The following GRIN2A variants were observed in gnomAD, a reference collection of about 807,000 sequenced individuals.
GRIN2A encodes the protein glutamate receptor ionotropic, NMDA 2A.
A neutral mutation model predicts 113.4 loss-of-function variants in GRIN2A; 22 were observed. The ratio of observed to expected loss-of-function variants is 0.19; its 90% CI spans 0.14 to 0.28. The LOEUF (loss-of-function observed/expected upper bound fraction) is 0.28. Among genes scored for constraint, GRIN2A ranks in the 10% least tolerant of loss-of-function variants. The pLI is 1.00. For missense variants in GRIN2A, 1,502 were observed against 1,887.0 expected (o/e 0.80, Z 3.78); for synonymous variants, 827 against 738.4 (o/e 1.12, Z -1.94).
intron 3 of GRIN2A, among the ~76,000 whole-genome samples, chr16:9,910,597 G>A (rs1318553491): frequency 2.0e-5 from 3 of 149,568 alleles, no homozygotes. Context: ...GAGTGCAGTG[G>A]TGCGATCTCG....
chr16:10,140,742 A>G (rs1299203939), intron 2 of GRIN2A, among the ~76,000 whole-genome samples: 1 of 152,160 alleles, frequency 6.6e-6, no homozygotes, highest in Non-Finnish European at 1.5e-5. Context: ...GAGGAGTCCA[A>G]TCAGAGTTAG....
intron 2 of GRIN2A, among the ~76,000 whole-genome samples, chr16:9,980,637 C>A (rs1017227736): frequency 3.9e-5 from 6 of 152,038 alleles, no homozygotes; most frequent in Non-Finnish European, 8.8e-5. Flanking sequence ...CACATATACA[C>A]CATGGAATAC....
chr16:10,005,696 G>A (rs147736383), intron 2 of GRIN2A, among the ~76,000 whole-genome samples: 254 of 152,294 alleles, frequency 1.7e-3, no homozygotes, highest in African/African-American at 5.6e-3. Context: ...AAATGTTGGA[G>A]ACTAAGTCAA....
chr16:9,908,590 GAGA>G (rs911908625), intron 3 of GRIN2A, among the ~76,000 whole-genome samples: 5 of 152,238 alleles, frequency 3.3e-5, no homozygotes, highest in East Asian at 1.9e-4. Context: ...GGGGAAGAAG[GAGA>G]AGAAGAAGAC....
At chr16:9,918,038 C>A (rs965275577) in intron 3 of GRIN2A, among the ~76,000 whole-genome samples, 1 of 152,152 alleles carries the variant, frequency 6.6e-6, no homozygotes. Flanking sequence ...ATTCATAGAT[C>A]ACTTACTGTG....
At chr16:9,980,994 A>T (rs1453070044) in intron 2 of GRIN2A, among the ~76,000 whole-genome samples, 1 of 151,122 alleles carries the variant, frequency 6.6e-6, no homozygotes, top group Non-Finnish European at 1.5e-5. Flanking sequence ...ATAATAATAA[A>T]AAATAAAAAT....
At chr16:10,110,651 T>C (rs2048595143) in intron 2 of GRIN2A, among the ~76,000 whole-genome samples, 1 of 152,240 alleles carries the variant, frequency 6.6e-6, no homozygotes, top group Non-Finnish European at 1.5e-5. Context: ...AAGTATGAGA[T>C]AAGGAGAAAT....
chr16:9,921,448 T>C (rs1360918131), intron 3 of GRIN2A, among the ~76,000 whole-genome samples: 3 of 152,186 alleles, frequency 2.0e-5, no homozygotes, highest in Non-Finnish European at 4.4e-5. Flanking sequence ...AGAGAGGTCA[T>C]CTTGATACTG....
At chr16:9,790,088 C>T (rs1902514371) in intron 11 of GRIN2A, among the ~76,000 whole-genome samples, 1 of 152,192 alleles carries the variant, frequency 6.6e-6, no homozygotes, top group Non-Finnish European at 1.5e-5. Context: ...CTCTACTGTG[C>T]TGCAGGGAAG....
chr16:9,828,733 G>A (rs1259186923), intron 9 of GRIN2A, among the ~76,000 whole-genome samples: 1 of 152,174 alleles, frequency 6.6e-6, no homozygotes, highest in Non-Finnish European at 1.5e-5. Flanking sequence ...ACTGGAGAAT[G>A]AGAGAGCAGG....
intron 3 of GRIN2A, among the ~76,000 whole-genome samples, chr16:9,899,014 T>C (rs767645336): frequency 2.6e-5 from 4 of 152,120 alleles, no homozygotes; most frequent in Non-Finnish European, 5.9e-5. Context: ...TGAATATCCT[T>C]GCGCTGTCTT....
chr16:9,867,945 T>A (rs16966540), intron 4 of GRIN2A, among the ~76,000 whole-genome samples: 4,399 of 152,110 alleles, frequency 0.029, 206 homozygotes, highest in African/African-American at 0.1. Context: ...CTCAGTAGGC[T>A]TAGAGAAGAA....
intron 2 of GRIN2A, among the ~76,000 whole-genome samples, chr16:9,968,453 A>T (rs2045604904): frequency 6.6e-6 from 1 of 152,050 alleles, no homozygotes; most frequent in Admixed American, 6.5e-5. Flanking sequence ...AGCTGGAATT[A>T]CAGGCATGCG....
intron 2 of GRIN2A, among the ~76,000 whole-genome samples, chr16:10,034,321 G>T (rs985503596): frequency 6.6e-5 from 10 of 151,830 alleles, no homozygotes; most frequent in Non-Finnish European, 1.0e-4. Context: ...GACCAGAAGT[G>T]CGAGACCATC....
At chr16:9,857,086 T>C (rs1377263243) in intron 4 of GRIN2A, among the ~76,000 whole-genome samples, 2 of 152,094 alleles carry the variant, frequency 1.3e-5, no homozygotes, top group Admixed American at 6.5e-5. Flanking sequence ...AAAATTCCAA[T>C]GTAGGGGTAT....
chr16:9,990,543 ACACGCG>A (rs1187037242), intron 2 of GRIN2A, among the ~76,000 whole-genome samples: 22 of 120,212 alleles, frequency 1.8e-4, no homozygotes, highest in African/African-American at 3.1e-4. Flanking sequence ...CTCTCTCTCT[ACACGCG>A]CGCGCGCGCG....
chr16:9,826,942 C>T (rs1010506649), intron 9 of GRIN2A, among the ~76,000 whole-genome samples: 1 of 152,236 alleles, frequency 6.6e-6, no homozygotes, highest in African/African-American at 2.4e-5. Flanking sequence ...ATGCTGCCAA[C>T]CACTTTCTTG....
At chr16:10,092,740 C>G (rs8049283) in intron 2 of GRIN2A, among the ~76,000 whole-genome samples, 1 of 152,068 alleles carries the variant, frequency 6.6e-6, no homozygotes, top group Non-Finnish European at 1.5e-5. Context: ...CTAGTAGAGA[C>G]GGGATTCAAA....
At position 10,007,589 on chromosome 16, in the gene GRIN2A, C is replaced by T. The variant is rs555754248; in HGVS notation, c.415-69038G>A. 1.4e-4 allele frequency among the ~76,000 whole-genome samples: 22 copies of T among 152,222 alleles called. 1 individual carries two copies. The South Asian group carries it at 3.1e-3, about 22-fold the overall frequency. ...TCTGCCATTCTTTGGGTTGTCTCTT[C>T]GCTTTCTTGACCGTTTGCTGTGCAG... On this transcript the variant is annotated intron_variant, in intron 2 of 12. Transcript: ENST00000330684.
Sources: gnomAD v4.1 joint callset for allele counts (sites outside exome capture counted in the v4.1 genomes callset) on GRCh38, gnomAD v4.1.1 for gene constraint, MANE v1.5 for transcripts, NCBI Gene and HGNC (gene_info 2026-07-23, HGNC 2026-07-21) for gene names.